The following ACSL1 variants were observed in gnomAD, a reference collection of about 807,000 sequenced individuals.
ACSL1 encodes long-chain-fatty-acid--CoA ligase 1.
ACSL1 carries 41 observed loss-of-function variants against 98.4 expected under a neutral mutation model. The ratio of observed to expected loss-of-function variants is 0.42; its 90% CI spans 0.32 to 0.54. The LOEUF (loss-of-function observed/expected upper bound fraction) is 0.54, where lower values mean the gene tolerates loss of function less well. Ranked by LOEUF, ACSL1 falls within the 20% of genes least tolerant of loss-of-function variation. The pLI is 0.13. For synonymous variants in ACSL1, 316 were observed against 322.7 expected (o/e 0.98, Z 0.22); for missense variants, 734 against 883.1 (o/e 0.83, Z 2.14).
rs552007991 is a variant in ACSL1, at chr4:184,800,376, G to T, written c.195+2944C>A. Among the ~76,000 whole-genome samples, 5 of 152,246 alleles carry T rather than the reference G, an allele frequency of 3.3e-5. No individual in the cohort carries two copies. The East Asian group carries it at 9.7e-4, about 29-fold the overall frequency. ...CTGTACTTTGCTTAACTGCAACCAC[G>T]TGTGTCTGGGCTCCGACCAATCCGA... is the stretch of plus-strand genomic sequence containing the variant. On this transcript the variant is annotated intron_variant, in intron 2 of 20. Transcript: ENST00000281455.
chr4:184,807,479 C>G (rs1771575277), intron 1 of ACSL1, among the ~76,000 whole-genome samples: 1 of 152,142 alleles, frequency 6.6e-6, no homozygotes, highest in Non-Finnish European at 1.5e-5. Context: ...GCTGGGTTTT[C>G]TGTAAACCTG....
At chr4:184,779,477 C>T (rs899726738) in intron 5 of ACSL1, among the ~76,000 whole-genome samples, 1 of 152,154 alleles carries the variant, frequency 6.6e-6, no homozygotes, top group African/African-American at 2.4e-5. Flanking sequence ...AATGGACTAA[C>T]ACACTTTTAC....
At position 184,776,505 on chromosome 4, in the gene ACSL1, G is replaced by A. The variant is rs1432674219; in HGVS notation, c.735C>T (p.Val245=). 4 of 1,613,136 alleles carry A rather than the reference G, an allele frequency of 2.5e-6. No individual in the cohort carries two copies. Among genetic ancestry groups the A allele is most frequent in the East Asian group, 4.5e-5 (2 of 44,894 alleles). ...TCACCTCCATCGCCTTCATGCTGGT[G>A]ACTTCCACCCCACACCTCTGGCCTC... ...VERGQRCGVE[V]TSMKAMEDLG... The change falls in exon 7 of 21, where the codon GTC becomes GTT. Residue 245 remains valine, a synonymous_variant. Coordinates refer to ENST00000281455, the MANE Select transcript of ACSL1 (RefSeq NM_001995.5).
chr4:184,782,190 T>C (rs948908059), intron 4 of ACSL1, among the ~76,000 whole-genome samples: 1 of 151,648 alleles, frequency 6.6e-6, no homozygotes, highest in Non-Finnish European at 1.5e-5. Context: ...AGCCTGCAAT[T>C]GGATGCTATA....
intron 1 of ACSL1, among the ~76,000 whole-genome samples, chr4:184,822,782 G>A (rs1433450093): frequency 6.6e-6 from 1 of 151,904 alleles, no homozygotes; most frequent in African/African-American, 2.4e-5. Flanking sequence ...TCATGATGTA[G>A]AAAATGAACA....
At chr4:184,807,247 T>C (rs1771548227) in intron 1 of ACSL1, among the ~76,000 whole-genome samples, 1 of 152,244 alleles carries the variant, frequency 6.6e-6, no homozygotes, top group Non-Finnish European at 1.5e-5. Flanking sequence ...TCTTTATTCT[T>C]TCAAAATCAA....
intron 1 of ACSL1, among the ~76,000 whole-genome samples, chr4:184,819,582 C>T (rs1052790368): frequency 3.9e-5 from 6 of 152,038 alleles, no homozygotes; most frequent in Non-Finnish European, 8.8e-5. Context: ...GATGACAGCA[C>T]CCAGGTACAG....
intron 1 of ACSL1, among the ~76,000 whole-genome samples, chr4:184,807,942 C>T (rs1771639639): frequency 6.6e-6 from 1 of 152,228 alleles, no homozygotes; most frequent in Non-Finnish European, 1.5e-5. Flanking sequence ...TATCACAAGT[C>T]TCCTTTAGCC....
chr4:184,805,987 C>CA (rs1274472267), intron 1 of ACSL1, among the ~76,000 whole-genome samples: 1 of 152,172 alleles, frequency 6.6e-6, no homozygotes, highest in African/African-American at 2.4e-5. Flanking sequence ...AAGAAAGAAA[C>CA]AGATTGCCCA....
At chr4:184,806,756 A>G (rs772399449) in intron 1 of ACSL1, among the ~76,000 whole-genome samples, 4 of 152,228 alleles carry the variant, frequency 2.6e-5, no homozygotes, top group Non-Finnish European at 4.4e-5. Flanking sequence ...ATACTAATCT[A>G]TAATACTAAG....
chr4:184,807,137 AG>A (rs1561239709), intron 1 of ACSL1, among the ~76,000 whole-genome samples: 1 of 152,274 alleles, frequency 6.6e-6, no homozygotes, highest in Non-Finnish European at 1.5e-5. Context: ...CATTAGACTA[AG>A]GGGTCTCTAA....
intron 4 of ACSL1, among the ~76,000 whole-genome samples, chr4:184,782,667 T>C (rs1418931746): frequency 2.6e-5 from 4 of 152,228 alleles, no homozygotes; most frequent in Admixed American, 6.5e-5. Flanking sequence ...TATTTGGCTC[T>C]GACAGGACAG....
intron 1 of ACSL1, among the ~76,000 whole-genome samples, chr4:184,804,434 G>C (rs1188573546): frequency 6.6e-6 from 1 of 152,084 alleles, no homozygotes; most frequent in African/African-American, 2.4e-5. Flanking sequence ...ACAAAAATTA[G>C]CCAGGTGTGG....
chr4:184,792,766 G>A (rs1030476875), intron 2 of ACSL1, among the ~76,000 whole-genome samples: 4 of 152,144 alleles, frequency 2.6e-5, no homozygotes, highest in African/African-American at 9.7e-5. Context: ...GAACAGAAAT[G>A]CTATATTTAA....
intron 11 of ACSL1, 129 bp from the exon 12 acceptor site, chr4:184,768,579 T>A: frequency 7.5e-7 from 1 of 1,341,570 alleles, no homozygotes; most frequent in Non-Finnish European, 1.0e-6. Flanking sequence ...TTCCTAAATA[T>A]AGGTAACTTA....
intron 3 of ACSL1, among the ~76,000 whole-genome samples, chr4:184,786,960 G>A (rs368821080): frequency 2.0e-5 from 3 of 152,122 alleles, no homozygotes; most frequent in African/African-American, 7.2e-5. Flanking sequence ...CCAAAGTGCT[G>A]GGATTACAGG....
At chr4:184,780,171 G>T (rs554910432) in intron 5 of ACSL1, among the ~76,000 whole-genome samples, 161 bp downstream of exon 5, 5 of 152,272 alleles carry the variant, frequency 3.3e-5, no homozygotes, top group Admixed American at 3.3e-4. Flanking sequence ...TGTGCCCAGC[G>T]GCCCTGGTTG....
Position 184,803,630 on chromosome 4 carries a change from T to C in ACSL1, c.-32-84A>G. The C allele has an allele frequency of 1.1e-6, 1 of 950,024 alleles. No individual in the cohort carries two copies. Among genetic ancestry groups the C allele is most frequent in the Non-Finnish European group, 1.4e-6 (1 of 699,076 alleles). 58.8% of individuals were successfully genotyped at this position (950,024 alleles called of 1,614,324 possible). A position where few individuals can be genotyped will look rare whatever the true frequency, so the allele number is the denominator to read the frequency against. On this transcript the variant is annotated intron_variant, in intron 1 of 20. Coordinates refer to ENST00000281455, the MANE Select transcript of ACSL1 (RefSeq NM_001995.5). The surrounding 1 kb of genome is among the most constrained non-coding windows in gnomAD (Gnocchi z 4.8). ...TCCAAAATTCCACCGGCCAGCCATC[T>C]AATTGGGTAGCTGCTCGGCCAGTCC...
In ACSL1 at chr4:184,825,703, C is replaced by A. The variant is rs1418101370; in HGVS notation, c.-33+213G>T. 2.7e-5 allele frequency among the ~76,000 whole-genome samples: 4 copies of A among 149,940 alleles called. No homozygotes were observed. Among genetic ancestry groups the A allele is most frequent in the Non-Finnish European group, 6.0e-5 (4 of 67,062 alleles). On this transcript the variant is annotated intron_variant, in intron 1 of 20. Coordinates refer to ENST00000281455, the MANE Select transcript of ACSL1 (RefSeq NM_001995.5). The surrounding 1 kb of genome is among the most constrained non-coding windows in gnomAD (Gnocchi z 4.7). Reference sequence around the variant, plus strand: ...ACACAGGAAGCTGCGGCAGCACGGGCACCCCGGAGGCCTCCGGCTGCCGAG... The same window carrying A: ...ACACAGGAAGCTGCGGCAGCACGGGAACCCCGGAGGCCTCCGGCTGCCGAG...
Sources: gnomAD v4.1 joint callset for allele counts (sites outside exome capture counted in the v4.1 genomes callset) on GRCh38, gnomAD v4.1.1 for gene constraint, Gnocchi (gnomAD v3.1) non-coding constraint, MANE v1.5 for transcripts, NCBI Gene and HGNC (gene_info 2026-07-23, HGNC 2026-07-21) for gene names.